The following PCM1 variants were observed in gnomAD, a reference collection of about 807,000 sequenced individuals.
PCM1 encodes the protein pericentriolar material 1, also known as pericentriolar material 1 protein.
In PCM1, 157 loss-of-function variants were observed where a neutral mutation model predicts 241.9. The ratio of observed to expected loss-of-function variants is 0.65; its 90% CI spans 0.57 to 0.74. PCM1 has a LOEUF of 0.74. Ranked by LOEUF, PCM1 falls within the 30% of genes least tolerant of loss-of-function variation. PCM1 has a pLI of 0.00. For missense variants in PCM1, 3,478 were observed against 2,360.1 expected (o/e 1.47, Z -9.81); for synonymous variants, 1,085 against 784.9 (o/e 1.38, Z -6.39).
chr8:17,951,523 A>G (rs534155864), intron 8 of PCM1, among the ~76,000 whole-genome samples: 1 of 152,258 alleles, frequency 6.6e-6, no homozygotes, highest in Non-Finnish European at 1.5e-5. Flanking sequence ...ATGTCCATCA[A>G]CAGAAATGGG....
chr8:17,993,713 G>A lies in PCM1; in HGVS notation c.4827+94G>A, dbSNP rs2085597675. 3.6e-5 allele frequency: 37 copies of A among 1,030,976 alleles called. No individual in the cohort carries two copies. The South Asian group carries it at 7.3e-4, about 20-fold the overall frequency. 63.9% of individuals were successfully genotyped at this position (1,030,976 alleles called of 1,614,324 possible). A position where few individuals can be genotyped will look rare whatever the true frequency, so the allele number is the denominator to read the frequency against. On this transcript the variant is annotated intron_variant, in intron 29 of 38. Transcript: ENST00000325083. The stretch of plus-strand genomic sequence containing the variant: ...TATTGTGATAAAGTTCAACGGTATA[G>A]GTAAACAACAACAAAAAAACTATCA...
At chr8:17,972,791 C>CAGG in intron 23 of PCM1, 104 bp downstream of exon 23, 1 of 519,518 alleles carries the variant, frequency 1.9e-6, no homozygotes, top group Non-Finnish European at 3.2e-6. Context: ...TGTGCAGGTG[C>CAGG]TGTTCTAGAC....
At chr8:17,979,520 C>T (rs2079957610) in intron 23 of PCM1, among the ~76,000 whole-genome samples, 1 of 152,068 alleles carries the variant, frequency 6.6e-6, no homozygotes, top group African/African-American at 2.4e-5. Context: ...TGGAGAGGAA[C>T]GCTCTTCTCA....
At chr8:17,997,339 G>A (rs1226749145) in intron 29 of PCM1, among the ~76,000 whole-genome samples, 3 of 152,006 alleles carry the variant, frequency 2.0e-5, no homozygotes, top group African/African-American at 7.3e-5. Context: ...TTGATGTTTG[G>A]CAGTTTGATT....
intron 29 of PCM1, among the ~76,000 whole-genome samples, chr8:17,999,159 G>A (rs1432760873): frequency 3.3e-5 from 5 of 151,954 alleles, no homozygotes; most frequent in Admixed American, 1.3e-4. Flanking sequence ...GATCGCTCTG[G>A]TACTTAAGGT....
At chr8:17,993,797 A>T (rs1261716824) in intron 29 of PCM1, among the ~76,000 whole-genome samples, 178 bp downstream of exon 29, 2 of 152,048 alleles carry the variant, frequency 1.3e-5, no homozygotes, top group Non-Finnish European at 2.9e-5. Context: ...TTTTATACAC[A>T]TGTGCATATT....
At chr8:17,929,969 A>G (rs1412414634) in intron 2 of PCM1, among the ~76,000 whole-genome samples, 1 of 152,178 alleles carries the variant, frequency 6.6e-6, no homozygotes, top group Admixed American at 6.5e-5. Context: ...ACTATGGGGA[A>G]CTATAATCCT....
chr8:17,949,052 A>G (rs1460767649), intron 7 of PCM1, among the ~76,000 whole-genome samples: 1 of 152,190 alleles, frequency 6.6e-6, no homozygotes, highest in African/African-American at 2.4e-5. Flanking sequence ...CTTTTTCTGA[A>G]TATGAACTTT....
chr8:17,960,225 A>C (rs994727341), intron 14 of PCM1, 60 bp downstream of exon 14: 2 of 1,554,384 alleles, frequency 1.3e-6, no homozygotes, highest in Non-Finnish European at 1.7e-6. Context: ...GTTTTGGAGA[A>C]GGTGCTCAGC....
intron 6 of PCM1, chr8:17,940,122 A>G: frequency 6.4e-7 from 1 of 1,566,684 alleles, no homozygotes; most frequent in Non-Finnish European, 8.6e-7. Flanking sequence ...GCACATCGCT[A>G]AACATAGATG....
intron 35 of PCM1, 114 bp from the exon 36 acceptor site, chr8:18,014,470 T>C (rs574103337): frequency 2.5e-6 from 2 of 795,858 alleles, no homozygotes; most frequent in South Asian, 8.4e-5. Flanking sequence ...CCTTTTCTTT[T>C]TGGTCTTAAA....
intron 29 of PCM1, among the ~76,000 whole-genome samples, chr8:18,005,660 T>G (rs185112007): frequency 6.6e-6 from 1 of 152,276 alleles, no homozygotes; most frequent in East Asian, 1.9e-4. Flanking sequence ...AAGAGACACT[T>G]GACTGAAGTG....
chr8:17,991,464 T>A, intron 27 of PCM1, 78 bp from the exon 28 acceptor site: 4 of 1,265,900 alleles, frequency 3.2e-6, no homozygotes, highest in Non-Finnish European at 4.4e-6. Context: ...TTGGACATTT[T>A]TTTATTAATG....
intron 29 of PCM1, among the ~76,000 whole-genome samples, chr8:17,997,312 G>T (rs557986950): frequency 9.2e-5 from 14 of 152,196 alleles, no homozygotes; most frequent in Admixed American, 9.2e-4. Context: ...GCTGCTTTTA[G>T]GGTCCTTTCT....
chr8:17,945,707 G>A (rs2063537887), intron 6 of PCM1, among the ~76,000 whole-genome samples: 4 of 152,140 alleles, frequency 2.6e-5, no homozygotes, highest in African/African-American at 9.7e-5. Context: ...ATGTCACCCA[G>A]AAGGGAGTTT....
chr8:18,027,569 C>A, intron 38 of PCM1, 68 bp from the exon 39 acceptor site: 3 of 1,114,516 alleles, frequency 2.7e-6, no homozygotes, highest in Non-Finnish European at 2.6e-6. Flanking sequence ...GCTTTAATGA[C>A]AGAGAACAAT....
chr8:18,013,849 T>C (rs930579120), intron 34 of PCM1, 115 bp from the exon 35 acceptor site: 5 of 647,872 alleles, frequency 7.7e-6, no homozygotes, highest in Non-Finnish European at 1.3e-5. Flanking sequence ...GAAGATACTT[T>C]TAAATTTCTT....
At chr8:17,968,722 A>C (rs1406732016) in intron 21 of PCM1, among the ~76,000 whole-genome samples, 2 of 128,756 alleles carry the variant, frequency 1.6e-5, no homozygotes, top group South Asian at 2.4e-4. Flanking sequence ...ATATATATGG[A>C]TGTATATATG....
intron 29 of PCM1, among the ~76,000 whole-genome samples, chr8:17,999,143 C>A: frequency 6.6e-6 from 1 of 152,034 alleles, no homozygotes; most frequent in South Asian, 2.1e-4. Context: ...TGCTCTACCC[C>A]ACTGTGATCG....
Sources: allele counts gnomAD v4.1 joint callset (sites outside exome capture counted in the v4.1 genomes callset), GRCh38; gene constraint gnomAD v4.1.1; transcripts MANE v1.5; gene names NCBI Gene and HGNC (gene_info 2026-07-23, HGNC 2026-07-21).